KCNH5: variants seen among roughly 807,000 people sequenced by gnomAD.
KCNH5 encodes the protein voltage-gated delayed rectifier potassium channel KCNH5.
Under a neutral mutation model 96.1 loss-of-function variants are expected in KCNH5, and 46 were observed. The observed-to-expected ratio is 0.48, with a 90% confidence interval of 0.38 to 0.61. KCNH5 has a LOEUF of 0.61. Among genes scored for constraint, KCNH5 ranks in the 20% least tolerant of loss-of-function variants. KCNH5 has a pLI of 0.00. For missense variants in KCNH5, 907 were observed against 1,225.8 expected, an observed-to-expected ratio of 0.74 and a Z score of 3.88; for synonymous variants, 439 against 449.8, an observed-to-expected ratio of 0.98 and a Z score of 0.30.
chr14:62,865,445 G>A (rs1286693577), intron 7 of KCNH5, among the ~76,000 whole-genome samples: 8 of 152,072 alleles, frequency 5.3e-5, no homozygotes, highest in African/African-American at 2.4e-5. Context: ...ATCTCCATGA[G>A]GAAAGAAATG....
chr14:62,964,145 C>T (rs963509341), intron 6 of KCNH5, among the ~76,000 whole-genome samples: 3 of 152,090 alleles, frequency 2.0e-5, no homozygotes, highest in Non-Finnish European at 4.4e-5. Context: ...TTCAGGCTCA[C>T]TTCCCTAATA....
chr14:62,885,552 T>A (rs1156873676), intron 7 of KCNH5, among the ~76,000 whole-genome samples: 1 of 152,226 alleles, frequency 6.6e-6, no homozygotes, highest in Non-Finnish European at 1.5e-5. Context: ...CAAACACATA[T>A]TGAACAAACA....
intron 1 of KCNH5, among the ~76,000 whole-genome samples, chr14:63,023,556 A>G (rs1015493406): frequency 6.6e-6 from 1 of 152,176 alleles, no homozygotes; most frequent in East Asian, 1.9e-4. Flanking sequence ...TCCAGACAGA[A>G]AATCAATAAT....
chr14:62,757,420 T>C (rs766409776), intron 10 of KCNH5, among the ~76,000 whole-genome samples: 26 of 152,206 alleles, frequency 1.7e-4, no homozygotes, highest in Non-Finnish European at 3.1e-4. Flanking sequence ...TACCATATGA[T>C]CTAGCACCCC....
intron 8 of KCNH5, among the ~76,000 whole-genome samples, chr14:62,809,386 T>C (rs1218132742): frequency 1.3e-5 from 2 of 152,166 alleles, no homozygotes; most frequent in Non-Finnish European, 2.9e-5. Flanking sequence ...ACTTGACTTG[T>C]AGAGCCAATA....
intron 8 of KCNH5, among the ~76,000 whole-genome samples, chr14:62,811,856 A>G (rs1257085178): frequency 6.6e-6 from 1 of 152,180 alleles, no homozygotes; most frequent in African/African-American, 2.4e-5. Context: ...GCTGATGATT[A>G]TTAAGCACTG....
chr14:62,715,939 T>A lies in KCNH5; in HGVS notation c.2020-7484A>T, dbSNP rs560448852. Among the ~76,000 whole-genome samples the A allele has an allele frequency of 8.5e-5, 13 of 152,268 alleles. No individual in the cohort carries two copies. In the South Asian group the frequency reaches 2.7e-3, roughly 32 times the overall value. On this transcript the variant is annotated intron_variant, in intron 10 of 10. Transcript: ENST00000322893. ...CCTAATGTAAGAAGGATTAGTATGATGCAAATGCAAAAGATTCTAGGATTA... is the reference window on the plus strand; with the variant it reads ...CCTAATGTAAGAAGGATTAGTATGAAGCAAATGCAAAAGATTCTAGGATTA...
At chr14:62,943,384 CG>C (rs139067294) in intron 7 of KCNH5, among the ~76,000 whole-genome samples, 49 of 152,230 alleles carry the variant, frequency 3.2e-4, no homozygotes, top group African/African-American at 1.1e-3. Context: ...AAATCATCCA[CG>C]TACTATGGTG....
At chr14:62,873,146 A>G (rs1566689646) in intron 7 of KCNH5, among the ~76,000 whole-genome samples, 1 of 124,766 alleles carries the variant, frequency 8.0e-6, no homozygotes, top group African/African-American at 2.8e-5. Context: ...CGAGACTCTG[A>G]CTCAAAAAAA....
chr14:62,868,119 G>A (rs1390528640), intron 7 of KCNH5, among the ~76,000 whole-genome samples: 1 of 152,230 alleles, frequency 6.6e-6, no homozygotes. Flanking sequence ...CATTGAGTGA[G>A]GGGGTAAATC....
intron 4 of KCNH5, among the ~76,000 whole-genome samples, chr14:62,995,798 T>TAGAAA (rs1432225376): frequency 3.3e-5 from 5 of 152,116 alleles, no homozygotes; most frequent in Non-Finnish European, 7.4e-5. Context: ...AAGCTTCCAC[T>TAGAAA]ATATATTTAC....
intron 9 of KCNH5, among the ~76,000 whole-genome samples, chr14:62,793,684 T>C (rs2355734): frequency 0.46 from 69,788 of 151,396 alleles, 17,317 homozygotes; most frequent in South Asian, 0.7. Context: ...AAAAATTTTT[T>C]TAAGTTTTTT....
intron 4 of KCNH5, among the ~76,000 whole-genome samples, chr14:62,996,329 T>C (rs1349776240): frequency 5.9e-5 from 9 of 152,202 alleles, no homozygotes; most frequent in Admixed American, 5.9e-4. Context: ...TTTTCAATAA[T>C]CTGCTATGTG....
chr14:62,932,228 T>C (rs563660369), intron 7 of KCNH5, among the ~76,000 whole-genome samples: 28 of 152,068 alleles, frequency 1.8e-4, no homozygotes, highest in Admixed American at 3.9e-4. Flanking sequence ...AAACAGACTA[T>C]GTGGGGATAA....
chr14:62,945,318 C>T (rs577822562), intron 7 of KCNH5, among the ~76,000 whole-genome samples: 1 of 152,202 alleles, frequency 6.6e-6, no homozygotes, highest in Non-Finnish European at 1.5e-5. Flanking sequence ...GAAGACAATG[C>T]AGGTGAGCTT....
intron 10 of KCNH5, among the ~76,000 whole-genome samples, chr14:62,751,836 C>A (rs1012258075): frequency 6.6e-6 from 1 of 152,100 alleles, no homozygotes; most frequent in South Asian, 2.1e-4. Context: ...GTATGGGGAC[C>A]CATAGCTGCT....
intron 2 of KCNH5, among the ~76,000 whole-genome samples, chr14:63,015,730 C>G (rs1327733231): frequency 6.6e-6 from 1 of 151,826 alleles, no homozygotes; most frequent in Non-Finnish European, 1.5e-5. Context: ...CCCTGTGGAA[C>G]CCACATATAT....
At chr14:62,750,578 G>A (rs1307965947) in intron 10 of KCNH5, among the ~76,000 whole-genome samples, 3 of 152,036 alleles carry the variant, frequency 2.0e-5, no homozygotes, top group South Asian at 2.1e-4. Flanking sequence ...CCTTTTTGAC[G>A]TCCTCTGCAA....
At chr14:62,888,658 G>A (rs1888645042) in intron 7 of KCNH5, among the ~76,000 whole-genome samples, 1 of 152,078 alleles carries the variant, frequency 6.6e-6, no homozygotes, top group Admixed American at 6.6e-5. Context: ...TCAGGAGCAG[G>A]AATAGTGTCA....
Sources: gnomAD v4.1 joint callset for allele counts (sites outside exome capture counted in the v4.1 genomes callset) on GRCh38, gnomAD v4.1.1 for gene constraint, MANE v1.5 for transcripts, NCBI Gene and HGNC (gene_info 2026-07-23, HGNC 2026-07-21) for gene names.